ZDHHC20: variants seen among roughly 807,000 people sequenced by gnomAD.
ZDHHC20 encodes zDHHC palmitoyltransferase 20.
Under a neutral mutation model 57.8 loss-of-function variants are expected in ZDHHC20, and 43 were observed. The observed-to-expected ratio is 0.74, with a 90% CI of 0.58 to 0.96. The LOEUF is 0.96. Among genes scored for constraint, ZDHHC20 ranks in the 40% least tolerant of loss-of-function variants. ZDHHC20 has a pLI of 0.00. For synonymous variants in ZDHHC20, 157 were observed against 153.0 expected (o/e 1.03, Z -0.19); for missense variants, 391 against 441.1 (o/e 0.89, Z 1.02).
chr13:21,384,924 T>C (rs751255346), intron 9 of ZDHHC20, among the ~76,000 whole-genome samples: 1 of 151,430 alleles, frequency 6.6e-6, no homozygotes, highest in Admixed American at 6.6e-5. Context: ...CAAAAGTTAC[T>C]GGACATGAAA....
chr13:21,412,623 G>A (rs1879366845), intron 4 of ZDHHC20, among the ~76,000 whole-genome samples: 1 of 152,102 alleles, frequency 6.6e-6, no homozygotes, highest in Non-Finnish European at 1.5e-5. Context: ...CTAGAAGGAA[G>A]TGAGGCCCTG....
chr13:21,426,134 G>A (rs530461016), intron 1 of ZDHHC20, among the ~76,000 whole-genome samples: 1 of 152,240 alleles, frequency 6.6e-6, no homozygotes, highest in Non-Finnish European at 1.5e-5. Context: ...AATTTTTAGT[G>A]TTTTTTTCCT....
intron 4 of ZDHHC20, among the ~76,000 whole-genome samples, chr13:21,412,946 C>CCA (rs1448324803): frequency 7.9e-6 from 1 of 126,758 alleles, no homozygotes; most frequent in African/African-American, 3.0e-5. Context: ...CAAGCCTGGG[C>CCA]CACAGAGCGA....
At chr13:21,398,840 G>C (rs1877213786) in intron 7 of ZDHHC20, among the ~76,000 whole-genome samples, 1 of 152,190 alleles carries the variant, frequency 6.6e-6, no homozygotes, top group Admixed American at 6.5e-5. Context: ...AATGGGCTCA[G>C]CCCATGTGAG....
At chr13:21,455,798 T>C (rs1023521924) in intron 1 of ZDHHC20, among the ~76,000 whole-genome samples, 16 of 152,100 alleles carry the variant, frequency 1.1e-4, no homozygotes, top group African/African-American at 3.9e-4. Context: ...TATTTAGGAA[T>C]CTTCTGCAGC....
chr13:21,436,995 A>C (rs143356893), intron 1 of ZDHHC20, among the ~76,000 whole-genome samples: 1 of 152,214 alleles, frequency 6.6e-6, no homozygotes, highest in East Asian at 1.9e-4. Flanking sequence ...AATTAATTTT[A>C]AAAAAAGTAC....
Position 21,381,860 on chromosome 13 carries a change from C to T in ZDHHC20, c.945-311G>A, listed in dbSNP as rs1873482242. 4.2e-5 allele frequency: 24 copies of T among 571,986 alleles called. 1 individual carries two copies. The highest frequency in any genetic ancestry group is 3.3e-4 in the South Asian group (23 of 69,768). The allele number at this position is 571,986 out of a possible 1,614,324, so 35.4% of individuals were successfully genotyped here. A position where few individuals can be genotyped will look rare whatever the true frequency, so the allele number is the denominator to read the frequency against. On this transcript the variant is annotated intron_variant, in intron 10 of 12. Transcript: ENST00000400590. ...TCAGGAGCCATAGGTAGTACAAGGA[C>T]AGGTGAGGATCTATATCTGTGGCCA...
chr13:21,432,157 T>C (rs1332170487), intron 1 of ZDHHC20, among the ~76,000 whole-genome samples: 2 of 152,064 alleles, frequency 1.3e-5, no homozygotes, highest in Non-Finnish European at 2.9e-5. Context: ...GCTCTCATTT[T>C]ATTTCATATT....
Position 21,420,200 on chromosome 13 carries a change from T to C in ZDHHC20, c.249+861A>G, listed in dbSNP as rs551652483. Reference sequence around the variant, plus strand: ...TACTCAGGAGGCTGAGGCAGGAGAATCGCTTGAACCTGGGAGGCGGAGGTT... The same window carrying C: ...TACTCAGGAGGCTGAGGCAGGAGAACCGCTTGAACCTGGGAGGCGGAGGTT... On this transcript the variant is annotated intron_variant, in intron 3 of 12. Coordinates refer to ENST00000400590, the MANE Select transcript of ZDHHC20 (RefSeq NM_001330059.2). 2.0e-4 allele frequency among the ~76,000 whole-genome samples: 31 copies of C among 152,280 alleles called. No individual in the cohort carries two copies. In the South Asian group the frequency reaches 6.4e-3, roughly 32 times the overall value.
At chr13:21,458,674 GAAC>G (rs1363843412) in intron 1 of ZDHHC20, among the ~76,000 whole-genome samples, 1 of 152,116 alleles carries the variant, frequency 6.6e-6, no homozygotes, top group Non-Finnish European at 1.5e-5. Flanking sequence ...TAAAAAAAAT[GAAC>G]AAAAGCCAAA....
intron 4 of ZDHHC20, among the ~76,000 whole-genome samples, chr13:21,407,480 T>A (rs1878612178): frequency 6.6e-6 from 1 of 152,238 alleles, no homozygotes; most frequent in Non-Finnish European, 1.5e-5. Flanking sequence ...ATGAGGTTGT[T>A]TTTTTCTTGG....
chr13:21,388,558 C>G (rs998640274), intron 8 of ZDHHC20, among the ~76,000 whole-genome samples: 1 of 152,016 alleles, frequency 6.6e-6, no homozygotes, highest in African/African-American at 2.4e-5. Context: ...TTACTTGTGA[C>G]TCCTTCTAAT....
At chr13:21,382,864 A>G in intron 10 of ZDHHC20, 56 bp downstream of exon 10, 3 of 1,353,006 alleles carry the variant, frequency 2.2e-6, no homozygotes, top group Non-Finnish European at 3.1e-6. Flanking sequence ...CACACAACAC[A>G]TGTATACGGT....
intron 1 of ZDHHC20, among the ~76,000 whole-genome samples, chr13:21,440,106 T>G: frequency 6.9e-6 from 1 of 145,400 alleles, no homozygotes; most frequent in African/African-American, 2.6e-5. Context: ...AAAGACAATG[T>G]TCTTGTTCTT....
chr13:21,392,326 A>G (rs541475642), intron 7 of ZDHHC20, among the ~76,000 whole-genome samples: 2 of 152,052 alleles, frequency 1.3e-5, no homozygotes, highest in Non-Finnish European at 2.9e-5. Flanking sequence ...TTTCTCCAAC[A>G]TCCGACATAT....
At chr13:21,396,202 G>A (rs529693457) in intron 7 of ZDHHC20, among the ~76,000 whole-genome samples, 1 of 152,148 alleles carries the variant, frequency 6.6e-6, no homozygotes, top group Non-Finnish European at 1.5e-5. Context: ...GGCGCTGTGA[G>A]TAACAAACTA....
chr13:21,384,377 T>A (rs1593176328), intron 9 of ZDHHC20, among the ~76,000 whole-genome samples: 1 of 146,940 alleles, frequency 6.8e-6, no homozygotes. Flanking sequence ...GAGGCGGAGG[T>A]TGCAGTGAGC....
At chr13:21,423,012 A>G (rs1768128556) in intron 2 of ZDHHC20, among the ~76,000 whole-genome samples, 1 of 152,198 alleles carries the variant, frequency 6.6e-6, no homozygotes, top group African/African-American at 2.4e-5. Flanking sequence ...CAGTTTACAG[A>G]TGTAAACAGT....
chr13:21,400,374 G>C lies in ZDHHC20; in HGVS notation c.593C>G (p.Thr198Arg). 6.3e-7 allele frequency: 1 copy of C among 1,579,550 alleles called. No homozygotes were observed. Among genetic ancestry groups the C allele is most frequent in the Non-Finnish European group, 8.5e-7 (1 of 1,170,394 alleles). The change falls in exon 7 of 13, where the codon ACG (threonine) becomes AGG (arginine). Residue 198 changes from threonine to arginine, a missense_variant and splice_region_variant. Thr to Arg is a moderately conservative substitution (Grantham distance 71, BLOSUM62 -1). This residue lies in a region of ZDHHC20 where 197 missense variants were observed against 220.8 expected (regional missense o/e 0.89). Coordinates refer to ENST00000400590, the MANE Select transcript of ZDHHC20 (RefSeq NM_001330059.2). ...TTCAAGATAGAAAAAAAGACTTACC[G>C]TCCAAAATTTTATAAAGTACTCTAA... is the stretch of plus-strand genomic sequence containing the variant. ...TVLEYFIKFW[T>R]NELTDTRAKF...
Sources: allele counts gnomAD v4.1 joint callset (sites outside exome capture counted in the v4.1 genomes callset), GRCh38; gene constraint gnomAD v4.1.1; regional missense constraint gnomAD v4.1.1; transcripts MANE v1.5; gene names NCBI Gene and HGNC (gene_info 2026-07-23, HGNC 2026-07-21).